The following CNTN5 variants were observed in gnomAD, a reference collection of about 807,000 sequenced individuals.
The protein encoded by CNTN5 is contactin-5.
A neutral mutation model predicts 129.1 loss-of-function variants in CNTN5; 77 were observed. The ratio of observed to expected loss-of-function variants is 0.60; its 90% CI spans 0.50 to 0.72. CNTN5 has a LOEUF of 0.72. Ranked by LOEUF, CNTN5 falls within the 30% of genes least tolerant of loss-of-function variation. The pLI is 0.00. For synonymous variants in CNTN5, 509 were observed against 465.6 expected (o/e 1.09, Z -1.20); for missense variants, 1,478 against 1,328.8 (o/e 1.11, Z -1.75).
chr11:99,905,002 T>C (rs1949459879), intron 6 of CNTN5, among the ~76,000 whole-genome samples: 1 of 152,232 alleles, frequency 6.6e-6, no homozygotes, highest in Admixed American at 6.5e-5. Flanking sequence ...TGTTCTTTTC[T>C]TGTAAATTAG....
chr11:100,043,071 A>T (rs1027017738), intron 9 of CNTN5, among the ~76,000 whole-genome samples: 8 of 152,186 alleles, frequency 5.3e-5, no homozygotes, highest in African/African-American at 1.7e-4. Context: ...GGTTATTATT[A>T]TAGAGAAATT....
At chr11:99,845,837 T>C (rs1393292672) in intron 6 of CNTN5, among the ~76,000 whole-genome samples, 1 of 152,120 alleles carries the variant, frequency 6.6e-6, no homozygotes, top group Non-Finnish European at 1.5e-5. Context: ...TTTTCAAGTC[T>C]TTGAGTTCAA....
chr11:99,992,074 T>A (rs1228750198), intron 8 of CNTN5, among the ~76,000 whole-genome samples: 1 of 152,172 alleles, frequency 6.6e-6, no homozygotes, highest in Non-Finnish European at 1.5e-5. Context: ...TGAAGTATGG[T>A]TGGCAAAGAT....
At chr11:99,316,861 C>A (rs966969192) in intron 1 of CNTN5, among the ~76,000 whole-genome samples, 2 of 152,062 alleles carry the variant, frequency 1.3e-5, no homozygotes, top group African/African-American at 4.8e-5. Flanking sequence ...AAGAAATGAT[C>A]GCGGGCTCTG....
chr11:99,884,417 TAATC>T (rs1238107184), intron 6 of CNTN5, among the ~76,000 whole-genome samples: 1 of 151,936 alleles, frequency 6.6e-6, no homozygotes, highest in Admixed American at 6.6e-5. Context: ...ATTTGAAAAA[TAATC>T]AAATATAACT....
chr11:99,387,278 C>A (rs775141089), intron 2 of CNTN5, among the ~76,000 whole-genome samples: 7 of 151,984 alleles, frequency 4.6e-5, no homozygotes, highest in South Asian at 2.1e-4. Flanking sequence ...CAGTTAAGAC[C>A]AATATGTTGC....
At chr11:99,688,294 G>A (rs1288468701) in intron 3 of CNTN5, among the ~76,000 whole-genome samples, 2 of 151,994 alleles carry the variant, frequency 1.3e-5, no homozygotes, top group African/African-American at 4.8e-5. Context: ...TTCCCATCTC[G>A]GTCTCCCAAA....
At chr11:99,622,751 CT>C (rs1455106199) in intron 3 of CNTN5, among the ~76,000 whole-genome samples, 1 of 151,954 alleles carries the variant, frequency 6.6e-6, no homozygotes, top group Non-Finnish European at 1.5e-5. Context: ...GGCCCGTTCC[CT>C]GGAAAGGTTA....
At chr11:99,974,784 A>G (rs908840225) in intron 8 of CNTN5, among the ~76,000 whole-genome samples, 1 of 152,210 alleles carries the variant, frequency 6.6e-6, no homozygotes, top group African/African-American at 2.4e-5. Context: ...TAATTAGTAG[A>G]GTCTACTTAA....
rs115045515 is a variant in CNTN5 at position 99,961,652 on chromosome 11, G to T, written c.877+4643G>T. 3.4e-3 allele frequency among the ~76,000 whole-genome samples: 515 copies of T among 152,240 alleles called. 1 individual carries two copies. The highest frequency in any genetic ancestry group is 0.012 in the African/African-American group (499 of 41,538). On this transcript the variant is annotated intron_variant, in intron 8 of 24. Coordinates refer to ENST00000524871, the MANE Select transcript of CNTN5 (RefSeq NM_014361.4). ...TGAACAACTATTTCAATAAAATGTT[G>T]AACACCTTTTCCTTCTCTATCGCTA...
chr11:100,353,182 A>G (rs1952452973), intron 24 of CNTN5, among the ~76,000 whole-genome samples: 1 of 151,578 alleles, frequency 6.6e-6, no homozygotes, highest in Non-Finnish European at 1.5e-5. Context: ...CAACTTTTAT[A>G]TTTCAGTTAA....
chr11:99,803,752 C>A (rs1946184763), intron 3 of CNTN5, among the ~76,000 whole-genome samples: 1 of 152,180 alleles, frequency 6.6e-6, no homozygotes, highest in Non-Finnish European at 1.5e-5. Flanking sequence ...CAGAGGGTGG[C>A]TGTATGTTTC....
chr11:99,301,035 T>A (rs1653474595), intron 1 of CNTN5, among the ~76,000 whole-genome samples: 1 of 151,832 alleles, frequency 6.6e-6, no homozygotes, highest in African/African-American at 2.4e-5. Context: ...TGATATTAAG[T>A]TGGTATTAAT....
intron 1 of CNTN5, among the ~76,000 whole-genome samples, chr11:99,140,537 G>A (rs947540224): frequency 1.3e-5 from 2 of 151,764 alleles, no homozygotes; most frequent in Non-Finnish European, 2.9e-5. Flanking sequence ...TATGTTGAAT[G>A]AATCTGGTAC....
intron 9 of CNTN5, among the ~76,000 whole-genome samples, chr11:100,058,732 C>T (rs893394261): frequency 2.0e-5 from 3 of 150,878 alleles, no homozygotes; most frequent in Non-Finnish European, 3.0e-5. Flanking sequence ...TAATGGAGAA[C>T]ATTGCTATCA....
intron 2 of CNTN5, among the ~76,000 whole-genome samples, chr11:99,505,630 G>T (rs1005513094): frequency 5.3e-5 from 8 of 152,060 alleles, no homozygotes; most frequent in Non-Finnish European, 1.0e-4. Flanking sequence ...TTACCTTCTT[G>T]TTTCTTTATA....
chr11:100,196,118 A>G (rs985664941), intron 15 of CNTN5, among the ~76,000 whole-genome samples: 4 of 152,034 alleles, frequency 2.6e-5, no homozygotes, highest in Middle Eastern at 3.4e-3. Context: ...AACTTATCCC[A>G]GCAGAGTAAA....
intron 2 of CNTN5, among the ~76,000 whole-genome samples, chr11:99,547,091 C>G (rs1449887202): frequency 6.6e-6 from 1 of 150,954 alleles, no homozygotes; most frequent in African/African-American, 2.4e-5. Flanking sequence ...GCAACCTCCA[C>G]TCCCTGGGTT....
intron 3 of CNTN5, among the ~76,000 whole-genome samples, chr11:99,761,341 G>A (rs1944574978): frequency 1.3e-5 from 2 of 151,960 alleles, no homozygotes; most frequent in Non-Finnish European, 2.9e-5. Context: ...ATGTATACAT[G>A]TGCCATGCTG....
Sources: allele counts gnomAD v4.1 joint callset (sites outside exome capture counted in the v4.1 genomes callset), GRCh38; gene constraint gnomAD v4.1.1; transcripts MANE v1.5; gene names NCBI Gene and HGNC (gene_info 2026-07-23, HGNC 2026-07-21).